The following TEX15 variants were observed in gnomAD, a reference collection of about 807,000 sequenced individuals.
TEX15 encodes testis-expressed protein 15.
In TEX15, 171 loss-of-function variants were observed where a neutral mutation model predicts 237.3. The observed-to-expected ratio is 0.72, with a 90% CI of 0.64 to 0.82. The LOEUF (loss-of-function observed/expected upper bound fraction) is 0.82, where lower values mean the gene tolerates loss of function less well. Ranked by LOEUF, TEX15 falls within the 40% of genes least tolerant of loss-of-function variation. The pLI, the probability that TEX15 is intolerant of heterozygous loss-of-function variation, is 0.00. For synonymous variants in TEX15, 1,338 were observed against 1,269.8 expected (o/e 1.05, Z -1.14); for missense variants, 3,750 against 3,646.5 (o/e 1.03, Z -0.73).
Position 30,846,701 on chromosome 8 carries a change from G to C in TEX15, c.3466C>G (p.Leu1156Val). Residue 1156 changes from leucine (L) to valine (V), a missense_variant, in exon 8 of 11, where the codon CTA (leucine) becomes GTA (valine). Coordinates refer to ENST00000643185, the MANE Select transcript of TEX15 (RefSeq NM_001350162.2). Reference sequence around the variant, plus strand: ...AATATATTAGTAATTTTAATTTGTAGATCTGGAAGTAAAATTGGGCTGGTA... The same window carrying C: ...AATATATTAGTAATTTTAATTTGTACATCTGGAAGTAAAATTGGGCTGGTA... Reference protein sequence around the residue: ...ELTSPILLPDLQIKITNIFRP... With the variant: ...ELTSPILLPDVQIKITNIFRP... The C allele has an allele frequency of 6.2e-7, 1 of 1,613,566 alleles. No individual in the cohort carries two copies. The highest frequency in any genetic ancestry group is 1.1e-5 in the South Asian group (1 of 91,002).
intron 2 of TEX15, among the ~76,000 whole-genome samples, chr8:30,895,700 T>TTTTTTTA (rs1808891192): frequency 1.6e-5 from 2 of 126,808 alleles, no homozygotes; most frequent in South Asian, 2.8e-4. Flanking sequence ...TTTTTTTTTT[T>TTTTTTTA]GAGCAGAGTC....
At chr8:30,907,564 AATTT>A (rs942430104) in intron 1 of TEX15, among the ~76,000 whole-genome samples, 18 of 145,264 alleles carry the variant, frequency 1.2e-4, no homozygotes, top group South Asian at 4.2e-4. Flanking sequence ...ATTTATATAT[AATTT>A]ATTATATATA....
intron 4 of TEX15, among the ~76,000 whole-genome samples, chr8:30,868,043 A>T (rs1808211106): frequency 6.6e-6 from 1 of 152,042 alleles, no homozygotes; most frequent in Non-Finnish European, 1.5e-5. Context: ...GTATCTCTAC[A>T]CATCTATAGA....
intron 3 of TEX15, among the ~76,000 whole-genome samples, chr8:30,882,786 A>G (rs1040305751): frequency 4.6e-5 from 7 of 152,212 alleles, no homozygotes; most frequent in African/African-American, 7.2e-5. Context: ...ATCAATTGAG[A>G]GTACAAAGTC....
Position 30,837,427 on chromosome 8 carries a change from T to A in TEX15, c.8857A>T (p.Lys2953Ter). The A allele has an allele frequency of 6.2e-7, 1 of 1,614,172 alleles. No individual in the cohort carries two copies. The highest frequency in any genetic ancestry group is 1.1e-5 in the South Asian group (1 of 91,080). ...QNKIPTLQIN[K>*]LQPTETESED... is the part of the protein sequence containing the mutation. ...GACTCAGTTTCTGTAGGCTGTAGTT[T>A]GTTTATCTGCAGAGTAGGAATTTTG... Residue 2953 changes from lysine (K) to a stop codon, truncating the protein, a stop_gained, in exon 10 of 11, where the codon AAA becomes TAA. Coordinates refer to ENST00000643185, the MANE Select transcript of TEX15 (RefSeq NM_001350162.2). LOFTEE classifies it high-confidence loss of function.
chr8:30,851,754 T>C (rs939910475), intron 7 of TEX15, among the ~76,000 whole-genome samples: 1 of 152,108 alleles, frequency 6.6e-6, no homozygotes, highest in Non-Finnish European at 1.5e-5. Flanking sequence ...CTGGCCAACA[T>C]GGTGAAACCC....
At chr8:30,879,297 T>C (rs1808470629) in intron 3 of TEX15, among the ~76,000 whole-genome samples, 1 of 152,224 alleles carries the variant, frequency 6.6e-6, no homozygotes, top group South Asian at 2.1e-4. Flanking sequence ...TGAAAGTGAA[T>C]TTCTTCTTTC....
intron 1 of TEX15, among the ~76,000 whole-genome samples, chr8:30,904,205 G>C (rs1031343417): frequency 1.3e-5 from 2 of 152,180 alleles, no homozygotes; most frequent in Non-Finnish European, 2.9e-5. Context: ...CCACCACTTT[G>C]GGAGGCTCAG....
At position 30,849,382 on chromosome 8, in the gene TEX15, T is replaced by C. The variant is rs1053643572; in HGVS notation, c.851-66A>G. 3.5e-6 allele frequency: 3 copies of C among 849,978 alleles called. No individual in the cohort carries two copies. The Admixed American group carries it at 9.0e-5, about 25-fold the overall frequency. 52.7% of individuals were successfully genotyped at this position (849,978 alleles called of 1,614,324 possible). A position where few individuals can be genotyped will look rare whatever the true frequency, so the allele number is the denominator to read the frequency against. ...TTCTATAGACAACTATTAATACAGG[T>C]ACATTGTGTCCAGTAATTTTAATTG... On this transcript the variant is annotated intron_variant, in intron 7 of 10. Coordinates refer to ENST00000643185, the MANE Select transcript of TEX15 (RefSeq NM_001350162.2).
At position 30,832,484 on chromosome 8, in the gene TEX15, T is replaced by G. The variant is rs1471493828; in HGVS notation, c.*802A>C. The G allele has an allele frequency of 6.6e-6, 1 of 151,874 alleles. No individual in the cohort carries two copies. The highest frequency in any genetic ancestry group is 1.9e-4 in the East Asian group (1 of 5,154). 9.4% of individuals were successfully genotyped at this position (151,874 alleles called of 1,614,324 possible). On this transcript the variant is annotated 3_prime_UTR_variant, in exon 11 of 11. Coordinates refer to ENST00000643185, the MANE Select transcript of TEX15 (RefSeq NM_001350162.2). The stretch of plus-strand genomic sequence containing the variant: ...CCTATGATGATTATTACTAAGAGAG[T>G]TTTTACTTTTGCAGAAGGTTAAAAA...
intron 5 of TEX15, among the ~76,000 whole-genome samples, chr8:30,860,525 A>G (rs566016818): frequency 1.3e-5 from 2 of 151,822 alleles, no homozygotes; most frequent in African/African-American, 2.4e-5. Flanking sequence ...TTAAACTCTA[A>G]GATTAGAGTA....
At chr8:30,895,573 A>G (rs1449033731) in intron 2 of TEX15, among the ~76,000 whole-genome samples, 1 of 151,170 alleles carries the variant, frequency 6.6e-6, no homozygotes, top group Non-Finnish European at 1.5e-5. Context: ...TTTTTTTTTA[A>G]CGGAGCTCAG....
intron 3 of TEX15, among the ~76,000 whole-genome samples, chr8:30,878,545 G>A (rs1314149360): frequency 2.0e-5 from 3 of 152,090 alleles, no homozygotes; most frequent in Admixed American, 6.6e-5. Flanking sequence ...CACCATGCCG[G>A]GCTAATTTTT....
chr8:30,848,208 G>T lies in TEX15; in HGVS notation c.1959C>A (p.Ile653=). ...IDNDFTNETK[I]SPIDNYIVLH... ...AAACAATGTAATTATCTATTGGACT[G>T]ATTTTTGTTTCATTAGTGAAATCAT... The change falls in exon 8 of 11, where the codon ATC becomes ATA. Residue 653 remains isoleucine (I), a synonymous_variant. Transcript: ENST00000643185. The T allele has an allele frequency of 6.2e-7, 1 of 1,612,260 alleles. No homozygotes were observed. The highest frequency in any genetic ancestry group is 8.5e-7 in the Non-Finnish European group (1 of 1,179,726).
chr8:30,908,919 G>A (rs941419215), intron 1 of TEX15, among the ~76,000 whole-genome samples: 1 of 151,984 alleles, frequency 6.6e-6, no homozygotes, highest in African/African-American at 2.4e-5. Context: ...GATTACAATG[G>A]TTCCTGCTGT....
At chr8:30,876,963 T>C (rs1277454530) in intron 3 of TEX15, among the ~76,000 whole-genome samples, 1 of 152,156 alleles carries the variant, frequency 6.6e-6, no homozygotes, top group Non-Finnish European at 1.5e-5. Flanking sequence ...TGAGCTCTTC[T>C]TTCTCCTGAC....
At position 30,844,389 on chromosome 8, in the gene TEX15, C is replaced by T. The variant is rs541412931; in HGVS notation, c.5778G>A (p.Gly1926=). The change falls in exon 8 of 11, where the codon GGG becomes GGA. Residue 1926 remains glycine (G), a synonymous_variant. Transcript: ENST00000643185. Reference sequence around the variant, plus strand: ...GCGAGTCTTTACTAACTTTAATTTCCCCCTTCTTCTCTCTTTTGTTAAGCG... The same window carrying T: ...GCGAGTCTTTACTAACTTTAATTTCTCCCTTCTTCTCTCTTTTGTTAAGCG... ...SNPLNKREKK[G]EIKVSKDSQS... 56 of 1,609,908 alleles carry T rather than the reference C, an allele frequency of 3.5e-5. No homozygotes were observed. Among genetic ancestry groups the T allele is most frequent in the South Asian group, 1.2e-4 (11 of 90,160 alleles).
rs560836932 is a variant in TEX15, at chr8:30,848,578, C to T, written c.1589G>A (p.Gly530Glu). 288 of 1,614,060 alleles carry T rather than the reference C, an allele frequency of 1.8e-4. 1 individual carries two copies. The South Asian group carries it at 3.0e-3, about 17-fold the overall frequency. Reference protein sequence around the residue: ...CIPPNKVTMAGQCKDQGNFSF... With the variant: ...CIPPNKVTMAEQCKDQGNFSF... ...AAAATTACCTTGGTCCTTACATTGC[C>T]CTGCCATGGTAACTTTATTGGGAGG... is the stretch of plus-strand genomic sequence containing the variant. Residue 530 changes from glycine (G) to glutamate (E), a missense_variant, in exon 8 of 11, where the codon GGG becomes GAG. Physicochemically the swap from Gly to Glu is moderately conservative, Grantham distance 98. Transcript: ENST00000643185.
intron 3 of TEX15, among the ~76,000 whole-genome samples, chr8:30,880,781 G>C (rs1049978104): frequency 1.4e-5 from 2 of 146,822 alleles, no homozygotes; most frequent in Non-Finnish European, 3.0e-5. Flanking sequence ...AGATTTTTCA[G>C]CTGTGTGTTT....
Sources: allele counts gnomAD v4.1 joint callset (sites outside exome capture counted in the v4.1 genomes callset), GRCh38; gene constraint gnomAD v4.1.1; transcripts MANE v1.5; gene names NCBI Gene and HGNC (gene_info 2026-07-23, HGNC 2026-07-21).